APCDD1L: variants seen among roughly 807,000 people sequenced by gnomAD.
The protein encoded by APCDD1L is protein APCDD1-like.
In APCDD1L, 21 loss-of-function variants were observed where a neutral mutation model predicts 24.2. The ratio of observed to expected loss-of-function variants is 0.87; its 90% CI spans 0.61 to 1.25. The LOEUF (loss-of-function observed/expected upper bound fraction) is 1.25. APCDD1L is among the 50% of genes most tolerant of loss of function. The pLI, the probability that APCDD1L is intolerant of heterozygous loss-of-function variation, is 0.00. For missense variants in APCDD1L, 704 were observed against 711.7 expected (o/e 0.99, Z 0.12); for synonymous variants, 321 against 323.6 (o/e 0.99, Z 0.09).
intron 3 of APCDD1L, among the ~76,000 whole-genome samples, chr20:58,466,145 T>C (rs1240560336): frequency 1.1e-5 from 1 of 87,308 alleles, no homozygotes; most frequent in South Asian, 4.0e-4. Context: ...AAAAAAAAAG[T>C]GTGCTGGGGG....
At chr20:58,488,188 C>A (rs1990160026) in intron 1 of APCDD1L, among the ~76,000 whole-genome samples, 1 of 152,146 alleles carries the variant, frequency 6.6e-6, no homozygotes, top group South Asian at 2.1e-4. Flanking sequence ...TGCATCCCAC[C>A]CTGGATGTGA....
chr20:58,494,130 G>A lies in APCDD1L; in HGVS notation c.49+20529C>T, dbSNP rs1467658282. 6.6e-6 allele frequency among the ~76,000 whole-genome samples: 1 copy of A among 152,188 alleles called. No individual in the cohort carries two copies. The highest frequency in any genetic ancestry group is 1.9e-4 in the East Asian group (1 of 5,192). On this transcript the variant is annotated intron_variant, in intron 1 of 3. Transcript: ENST00000371149. This position sits in a 1 kb window ranked among gnomAD's most constrained non-coding sequence, Gnocchi z 4.8. Reference sequence around the variant, plus strand: ...TCTTCATCCTCATCACCTTCATGTTGAGTAGGCTGAGGAGGAGGAGGAAGA... The same window carrying A: ...TCTTCATCCTCATCACCTTCATGTTAAGTAGGCTGAGGAGGAGGAGGAAGA...
At chr20:58,472,351 A>G (rs1989828285) in intron 1 of APCDD1L, among the ~76,000 whole-genome samples, 1 of 152,216 alleles carries the variant, frequency 6.6e-6, no homozygotes. Context: ...TCTCATGGGC[A>G]GAGAAACAGG....
intron 1 of APCDD1L, among the ~76,000 whole-genome samples, chr20:58,476,994 A>G (rs917432148): frequency 3.9e-5 from 6 of 152,192 alleles, no homozygotes; most frequent in African/African-American, 1.4e-4. Context: ...TGCAGCACTC[A>G]TCACATCTGG....
Position 58,494,453 on chromosome 20 carries a change from C to T in APCDD1L, c.49+20206G>A, listed in dbSNP as rs1010730307. 2.6e-5 allele frequency among the ~76,000 whole-genome samples: 4 copies of T among 152,092 alleles called. No individual in the cohort carries two copies. The highest frequency in any genetic ancestry group is 9.7e-5 in the African/African-American group (4 of 41,394). ...GCTCAAGCCATCCTCTGGCCTCAGCCTCCTGAGTAGCTGGGATTACAGGTG... is the reference window on the plus strand; with the variant it reads ...GCTCAAGCCATCCTCTGGCCTCAGCTTCCTGAGTAGCTGGGATTACAGGTG... On this transcript the variant is annotated intron_variant, in intron 1 of 3. Transcript: ENST00000371149. The surrounding 1 kb of genome is among the most constrained non-coding windows in gnomAD (Gnocchi z 4.8).
intron 1 of APCDD1L, among the ~76,000 whole-genome samples, chr20:58,512,511 C>A (rs1568757012): frequency 6.6e-6 from 1 of 152,132 alleles, no homozygotes; most frequent in Non-Finnish European, 1.5e-5. Flanking sequence ...TCATCCCCAA[C>A]AAAGAATCCT....
rs1344556224 is a variant in APCDD1L at position 58,460,551 on chromosome 20, T to A, written c.*239A>T. ...TTAGAAACTCACGTAGCGATGAACA[T>A]CACTGCCGCATCCAAGTGCTTGACT... is the stretch of plus-strand genomic sequence containing the variant. On this transcript the variant is annotated 3_prime_UTR_variant, in exon 4 of 4. Coordinates refer to ENST00000371149, the MANE Select transcript of APCDD1L (RefSeq NM_153360.3). This position sits in a 1 kb window ranked among gnomAD's most constrained non-coding sequence, Gnocchi z 4.2. 5 of 419,732 alleles carry A rather than the reference T, an allele frequency of 1.2e-5. No homozygotes were observed. Among genetic ancestry groups the A allele is most frequent in the African/African-American group, 1.0e-4 (5 of 49,794 alleles). The allele number at this position is 419,732 out of a possible 1,614,324, so 26.0% of individuals were successfully genotyped here. A position where few individuals can be genotyped will look rare whatever the true frequency, so the allele number is the denominator to read the frequency against.
intron 2 of APCDD1L, among the ~76,000 whole-genome samples, chr20:58,468,889 C>T (rs1448671533): frequency 2.6e-5 from 4 of 152,058 alleles, no homozygotes; most frequent in South Asian, 2.1e-4. Flanking sequence ...TGTACCAGGG[C>T]TGTTGGAGCA....
Position 58,467,177 on chromosome 20 carries a change from T to G in APCDD1L, c.670A>C (p.Ile224Leu). 1 of 1,607,070 alleles carries G rather than the reference T, an allele frequency of 6.2e-7. No homozygotes were observed. The highest frequency in any genetic ancestry group is 1.3e-5 in the African/African-American group (1 of 74,956). The change falls in exon 3 of 4, where the codon ATC becomes CTC. Residue 224 changes from isoleucine (I) to leucine (L), a missense_variant. Transcript: ENST00000371149. This position sits in a 1 kb window ranked among gnomAD's most constrained non-coding sequence, Gnocchi z 5.9. ...RLVEELYLGD[I>L]HTDPAERRHY... ...CGCCTCTCCGCCGGGTCGGTGTGGATGTCCCCCAGGTACAGCTCCTCCACC... is the reference window on the plus strand; with the variant it reads ...CGCCTCTCCGCCGGGTCGGTGTGGAGGTCCCCCAGGTACAGCTCCTCCACC...
intron 1 of APCDD1L, among the ~76,000 whole-genome samples, chr20:58,487,980 G>A (rs1369478537): frequency 6.6e-6 from 1 of 152,200 alleles, no homozygotes; most frequent in East Asian, 1.9e-4. Context: ...CCGTGTGTGT[G>A]TGTGTATGCA....
chr20:58,468,017 C>T (rs1480761178), intron 2 of APCDD1L, among the ~76,000 whole-genome samples: 2 of 152,134 alleles, frequency 1.3e-5, no homozygotes, highest in African/African-American at 4.8e-5. Flanking sequence ...TGGCCCAGAG[C>T]CCGCCCCACT....
At chr20:58,481,083 G>T (rs541332163) in intron 1 of APCDD1L, among the ~76,000 whole-genome samples, 1 of 152,324 alleles carries the variant, frequency 6.6e-6, no homozygotes, top group South Asian at 2.1e-4. Context: ...GTGCTTGGAG[G>T]AGCCGGTGAG....
intron 1 of APCDD1L, among the ~76,000 whole-genome samples, chr20:58,499,407 C>T (rs944779692): frequency 6.6e-6 from 1 of 152,196 alleles, no homozygotes; most frequent in Admixed American, 6.5e-5. Context: ...CTCAGTTGTC[C>T]ACACCTATGG....
intron 1 of APCDD1L, among the ~76,000 whole-genome samples, chr20:58,483,963 G>C (rs1377788197): frequency 6.6e-6 from 1 of 152,198 alleles, no homozygotes; most frequent in Non-Finnish European, 1.5e-5. Context: ...GCCAGGGGAG[G>C]GGGCACAGTC....
intron 1 of APCDD1L, among the ~76,000 whole-genome samples, chr20:58,489,081 T>A (rs1309167115): frequency 6.6e-6 from 1 of 152,138 alleles, no homozygotes; most frequent in Admixed American, 6.5e-5. Context: ...TCCAGCAGGT[T>A]TTTATAAAAA....
chr20:58,495,723 G>T (rs1471056391), intron 1 of APCDD1L, among the ~76,000 whole-genome samples: 1 of 152,124 alleles, frequency 6.6e-6, no homozygotes, highest in East Asian at 1.9e-4. Flanking sequence ...CCTCACCGGG[G>T]GTCGCACACA....
At position 58,461,580 on chromosome 20, in the gene APCDD1L, G is replaced by A; in HGVS notation, c.742-26C>T. 2.8e-6 allele frequency: 4 copies of A among 1,411,718 alleles called. No individual in the cohort carries two copies. Among genetic ancestry groups the A allele is most frequent in the Non-Finnish European group, 1.9e-6 (2 of 1,076,796 alleles). The allele number at this position is 1,411,718 out of a possible 1,614,324, so 87.4% of individuals were successfully genotyped here. A position where few individuals can be genotyped will look rare whatever the true frequency, so the allele number is the denominator to read the frequency against. Reference sequence around the variant, plus strand: ...CTGGCAAAAGACAAACAGAAAAACGGTGGTTGTCCCACATAGAGAAGTTGG... The same window carrying A: ...CTGGCAAAAGACAAACAGAAAAACGATGGTTGTCCCACATAGAGAAGTTGG... On this transcript the variant is annotated intron_variant, in intron 3 of 3. Coordinates refer to ENST00000371149, the MANE Select transcript of APCDD1L (RefSeq NM_153360.3). The surrounding 1 kb of genome is among the most constrained non-coding windows in gnomAD (Gnocchi z 6.0).
At chr20:58,501,267 C>T (rs1380052854) in intron 1 of APCDD1L, among the ~76,000 whole-genome samples, 100 of 152,188 alleles carry the variant, frequency 6.6e-4, no homozygotes, top group Admixed American at 6.5e-3. Context: ...TATGTTAAAG[C>T]TGTAACCCCC....
intron 1 of APCDD1L, among the ~76,000 whole-genome samples, chr20:58,502,736 A>G (rs75020521): frequency 0.02 from 3,097 of 152,278 alleles, 119 homozygotes; most frequent in African/African-American, 0.07. Flanking sequence ...CAAAAAAAAA[A>G]AAAAGAAAAG....
Sources: gnomAD v4.1 joint callset for allele counts (sites outside exome capture counted in the v4.1 genomes callset) on GRCh38, gnomAD v4.1.1 for gene constraint, Gnocchi (gnomAD v3.1) non-coding constraint, MANE v1.5 for transcripts, NCBI Gene and HGNC (gene_info 2026-07-23, HGNC 2026-07-21) for gene names.